GRIN2D: variants seen among roughly 807,000 people sequenced by gnomAD.
GRIN2D encodes glutamate ionotropic receptor NMDA type subunit 2D, also known as glutamate receptor ionotropic, NMDA 2D.
In GRIN2D, 37 loss-of-function variants were observed where a neutral mutation model predicts 103.2. The ratio of observed to expected loss-of-function variants is 0.36; its 90% CI spans 0.28 to 0.47. The LOEUF (loss-of-function observed/expected upper bound fraction) is 0.47, where lower values mean the gene tolerates loss of function less well. Ranked by LOEUF, GRIN2D falls within the 20% of genes least tolerant of loss-of-function variation. GRIN2D has a pLI of 1.00. For missense variants in GRIN2D, 1,557 were observed against 1,910.6 expected (o/e 0.81, Z 3.45); for synonymous variants, 845 against 885.6 (o/e 0.95, Z 0.81).
Position 48,398,783 on chromosome 19 carries a change from G to T in GRIN2D, c.391G>T (p.Asp131Tyr). ...SRAPAVAPIL[D>Y]FLSAQTSLPI... is the part of the protein sequence containing the mutation. Reference sequence around the variant, plus strand: ...CGCGCCCGCCGTCGCGCCCATCCTCGACTTCCTGTCGGCGCAGACCTCGCT... The same window carrying T: ...CGCGCCCGCCGTCGCGCCCATCCTCTACTTCCTGTCGGCGCAGACCTCGCT... The change falls in exon 3 of 14, where the codon GAC becomes TAC. Residue 131 changes from aspartate to tyrosine, a missense_variant. By Grantham distance (160) the Asp-to-Tyr change is radical. Coordinates refer to ENST00000263269, the MANE Select transcript of GRIN2D (RefSeq NM_000836.4). The T allele has an allele frequency of 6.8e-7, 1 of 1,460,704 alleles. No homozygotes were observed. Among genetic ancestry groups the T allele is most frequent in the South Asian group, 1.3e-5 (1 of 76,540 alleles). 90.5% of individuals were successfully genotyped at this position (1,460,704 alleles called of 1,614,324 possible).
intron 11 of GRIN2D, among the ~76,000 whole-genome samples, chr19:48,424,846 A>G (rs1052069072): frequency 3.3e-5 from 5 of 152,040 alleles, no homozygotes; most frequent in Admixed American, 2.0e-4. Context: ...ATGAACAGAA[A>G]ATATAAAAGG....
At chr19:48,410,979 C>T (rs905570786) in intron 4 of GRIN2D, among the ~76,000 whole-genome samples, 1 of 152,006 alleles carries the variant, frequency 6.6e-6, no homozygotes, top group African/African-American at 2.4e-5. Flanking sequence ...AGGGACACCC[C>T]CGGCCATCCC....
Position 48,419,352 on chromosome 19 carries a change from G to A in GRIN2D, c.1854G>A (p.Thr618=), listed in dbSNP as rs763949167. 3 of 1,601,456 alleles carry A rather than the reference G, an allele frequency of 1.9e-6. No homozygotes were observed. Among genetic ancestry groups the A allele is most frequent in the Non-Finnish European group, 2.5e-6 (3 of 1,177,948 alleles). ...SPVGYNRSLA[T]GKRPGGSTFT... ...TTGGTTACAACCGCAGCCTGGCCAC[G>A]GGCAAGCGTGAGTCCCCCTTCCTCC... is the stretch of plus-strand genomic sequence containing the variant. The change falls in exon 9 of 14, where the codon ACG becomes ACA. Residue 618 remains threonine, a synonymous_variant. Transcript: ENST00000263269.
chr19:48,430,038 G>C lies in GRIN2D; in HGVS notation c.2252+8093G>C, dbSNP rs1202894475. ...CATTTTTCCATCCGCTTCTCACTAT[G>C]GAAGACATACTCATACTCTTATTTA... On this transcript the variant is annotated intron_variant, in intron 11 of 13. Coordinates refer to ENST00000263269, the MANE Select transcript of GRIN2D (RefSeq NM_000836.4). Among the ~76,000 whole-genome samples, 3 of 152,176 alleles carry C rather than the reference G, an allele frequency of 2.0e-5. No homozygotes were observed. The East Asian group carries it at 5.8e-4, about 29-fold the overall frequency.
chr19:48,442,979 A>G lies in GRIN2D; in HGVS notation c.3053A>G (p.Glu1018Gly). The change falls in exon 14 of 14, where the codon GAG becomes GGG. Residue 1018 changes from glutamate (E) to glycine (G), a missense_variant. Transcript: ENST00000263269. The surrounding 1 kb of genome is among the most constrained non-coding windows in gnomAD (Gnocchi z 7.2). ...FAIVRDKEPAEPPAGAFPGFP... is the reference protein window; with the variant it reads ...FAIVRDKEPAGPPAGAFPGFP... Reference sequence around the variant, plus strand: ...ATCGTACGCGACAAGGAGCCAGCCGAGCCCCCCGCCGGCGCCTTCCCCGGC... The same window carrying G: ...ATCGTACGCGACAAGGAGCCAGCCGGGCCCCCCGCCGGCGCCTTCCCCGGC... The G allele has an allele frequency of 9.0e-7, 1 of 1,108,556 alleles. No individual in the cohort carries two copies. Among genetic ancestry groups the G allele is most frequent in the Admixed American group, 4.2e-5 (1 of 23,540 alleles). 68.7% of individuals were successfully genotyped at this position (1,108,556 alleles called of 1,614,324 possible). A position where few individuals can be genotyped will look rare whatever the true frequency, so the allele number is the denominator to read the frequency against.
rs1250086479 is a variant in GRIN2D at position 48,414,447 on chromosome 19, A to G, written c.1275A>G (p.Pro425=). ...LWSRYGRFLQ[P]VDDTQHLTVA... ...CCCGCTATGGTCGCTTCCTGCAGCC[A>G]GTGGACGACACGCAGCACCTCACGG... The change falls in exon 6 of 14, where the codon CCA becomes CCG. Residue 425 remains proline (P), a synonymous_variant. Coordinates refer to ENST00000263269, the MANE Select transcript of GRIN2D (RefSeq NM_000836.4). The surrounding 1 kb of genome is among the most constrained non-coding windows in gnomAD (Gnocchi z 4.6). 4.4e-6 allele frequency: 7 copies of G among 1,608,708 alleles called. No homozygotes were observed. The East Asian group carries it at 1.6e-4, about 36-fold the overall frequency.
chr19:48,419,639 T>C lies in GRIN2D; in HGVS notation c.1916T>C (p.Leu639Pro), dbSNP rs1816387453. Reference protein sequence around the residue: ...IGKSIWLLWALVFNNSVPVEN... With the variant: ...IGKSIWLLWAPVFNNSVPVEN... Reference sequence around the variant, plus strand: ...AAATCCATCTGGCTGCTCTGGGCCCTGGTGTTCAATAATTCGGTGCCCGTG... The same window carrying C: ...AAATCCATCTGGCTGCTCTGGGCCCCGGTGTTCAATAATTCGGTGCCCGTG... The change falls in exon 10 of 14, where the codon CTG becomes CCG. Residue 639 changes from leucine to proline, a missense_variant. Physicochemically the swap from Leu to Pro is moderately conservative, Grantham distance 98. Coordinates refer to ENST00000263269, the MANE Select transcript of GRIN2D (RefSeq NM_000836.4). 1 of 1,613,382 alleles carries C rather than the reference T, an allele frequency of 6.2e-7. No homozygotes were observed. The highest frequency in any genetic ancestry group is 8.5e-7 in the Non-Finnish European group (1 of 1,179,804).
At chr19:48,426,751 A>C (rs1764914813) in intron 11 of GRIN2D, among the ~76,000 whole-genome samples, 1 of 151,422 alleles carries the variant, frequency 6.6e-6, no homozygotes, top group African/African-American at 2.4e-5. Context: ...TGCCCGGCTA[A>C]TTTTTGTATT....
At chr19:48,407,905 A>C (rs1285843120) in intron 4 of GRIN2D, among the ~76,000 whole-genome samples, 2 of 152,186 alleles carry the variant, frequency 1.3e-5, no homozygotes, top group African/African-American at 4.8e-5. Context: ...AAAAACATGG[A>C]TAGGCCGGGC....
chr19:48,408,832 AAAG>A (rs2147445130), intron 4 of GRIN2D, among the ~76,000 whole-genome samples: 1 of 151,338 alleles, frequency 6.6e-6, no homozygotes, highest in Non-Finnish European at 1.5e-5. Flanking sequence ...AAAAAAAAAA[AAAG>A]AGAGAAAGAA....
chr19:48,420,084 G>C (rs910390560), intron 10 of GRIN2D, among the ~76,000 whole-genome samples: 20 of 152,244 alleles, frequency 1.3e-4, no homozygotes, highest in African/African-American at 4.8e-4. Context: ...GTGTCAAATA[G>C]GATATTCTAG....
chr19:48,419,666 A>C lies in GRIN2D; in HGVS notation c.1943A>C (p.Glu648Ala), dbSNP rs1179359706. 1 of 1,613,318 alleles carries C rather than the reference A, an allele frequency of 6.2e-7. No homozygotes were observed. Among genetic ancestry groups the C allele is most frequent in the Non-Finnish European group, 8.5e-7 (1 of 1,179,676 alleles). The change falls in exon 10 of 14, where the codon GAG becomes GCG. Residue 648 changes from glutamate to alanine, a missense_variant. Physicochemically the swap from Glu to Ala is moderately radical, Grantham distance 107. Coordinates refer to ENST00000263269, the MANE Select transcript of GRIN2D (RefSeq NM_000836.4). ...GTGTTCAATAATTCGGTGCCCGTGG[A>C]GAACCCCCGGGGAACCACCAGCAAA... ...ALVFNNSVPV[E>A]NPRGTTSKIM...
At chr19:48,401,873 G>T (rs1465536614) in intron 3 of GRIN2D, among the ~76,000 whole-genome samples, 1 of 152,220 alleles carries the variant, frequency 6.6e-6, no homozygotes, top group Non-Finnish European at 1.5e-5. Context: ...GGCCAAGGCG[G>T]GTGGATCACT....
intron 11 of GRIN2D, among the ~76,000 whole-genome samples, chr19:48,439,992 A>G (rs1456710374): frequency 1.3e-5 from 2 of 152,124 alleles, no homozygotes; most frequent in East Asian, 3.9e-4. Flanking sequence ...TGGGTGGATC[A>G]ACTGAGGTCA....
At chr19:48,416,187 C>G (rs201557381) in intron 8 of GRIN2D, 32 bp downstream of exon 8, 1 of 1,604,834 alleles carries the variant, frequency 6.2e-7, no homozygotes, top group Non-Finnish European at 8.5e-7. Context: ...GGGAGCTAGC[C>G]CTAGGCAAAG....
intron 3 of GRIN2D, among the ~76,000 whole-genome samples, chr19:48,402,484 G>C (rs922153087): frequency 2.0e-5 from 3 of 151,992 alleles, no homozygotes; most frequent in South Asian, 4.1e-4. Flanking sequence ...TTGGGAGGCC[G>C]AGGCGGGTGG....
chr19:48,412,001 T>C (rs909546574), intron 4 of GRIN2D, among the ~76,000 whole-genome samples: 3 of 150,792 alleles, frequency 2.0e-5, no homozygotes, highest in Non-Finnish European at 4.4e-5. Context: ...AAGACCAGCC[T>C]GGGAAAAGTA....
chr19:48,424,415 C>T (rs1036485231), intron 11 of GRIN2D, among the ~76,000 whole-genome samples: 2 of 150,888 alleles, frequency 1.3e-5, no homozygotes, highest in Admixed American at 6.6e-5. Flanking sequence ...GGACTACAGG[C>T]GCCCACCACC....
chr19:48,421,979 G>C lies in GRIN2D; in HGVS notation c.2252+34G>C, dbSNP rs1971031027. The C allele has an allele frequency of 2.5e-6, 4 of 1,601,542 alleles. No homozygotes were observed. The East Asian group carries it at 8.9e-5, about 36-fold the overall frequency. ...AGACTCGGGCCGGGGGTGGGGGTTG[G>C]GCCGCTGGGGACCTGAGGATGCTCA... On this transcript the variant is annotated intron_variant, in intron 11 of 13. Transcript: ENST00000263269. This position sits in a 1 kb window ranked among gnomAD's most constrained non-coding sequence, Gnocchi z 4.8.
Sources: allele counts gnomAD v4.1 joint callset (sites outside exome capture counted in the v4.1 genomes callset), GRCh38; gene constraint gnomAD v4.1.1; non-coding constraint Gnocchi (gnomAD v3.1); transcripts MANE v1.5; gene names NCBI Gene and HGNC (gene_info 2026-07-23, HGNC 2026-07-21).